The following FRAS1 variants were observed in gnomAD, a reference collection of about 807,000 sequenced individuals.
FRAS1 encodes the protein Fraser extracellular matrix complex subunit 1, also known as extracellular matrix organizing protein FRAS1.
Under a neutral mutation model 435.2 loss-of-function variants are expected in FRAS1, and 290 were observed. That is an observed-to-expected ratio of 0.67 (90% CI 0.61 to 0.73). The LOEUF (loss-of-function observed/expected upper bound fraction) is 0.73. Among genes scored for constraint, FRAS1 ranks in the 30% least tolerant of loss-of-function variants. FRAS1 has a pLI of 0.00. For missense variants in FRAS1, 4,860 were observed against 5,001.5 expected (o/e 0.97, Z 0.85); for synonymous variants, 1,800 against 1,851.0 (o/e 0.97, Z 0.71).
chr4:78,289,338 G>T (rs1264510793), intron 14 of FRAS1, among the ~76,000 whole-genome samples: 1 of 151,774 alleles, frequency 6.6e-6, no homozygotes, highest in African/African-American at 2.4e-5. Context: ...TACATATTTT[G>T]CATGATTAAA....
chr4:78,317,557 T>C, intron 17 of FRAS1, 49 bp downstream of exon 17: 2 of 1,533,684 alleles, frequency 1.3e-6, no homozygotes, highest in Non-Finnish European at 1.8e-6. Flanking sequence ...CACAAGAACA[T>C]AGATTTACTT....
chr4:78,379,233 G>C (rs919958340), intron 26 of FRAS1: 5 of 154,728 alleles, frequency 3.2e-5, no homozygotes, highest in Admixed American at 1.3e-4. Context: ...CAGGAAGTGA[G>C]AGTGGTGTTT....
chr4:78,059,579 C>T (rs2109837912), intron 1 of FRAS1, among the ~76,000 whole-genome samples: 1 of 151,626 alleles, frequency 6.6e-6, no homozygotes, highest in African/African-American at 2.4e-5. Context: ...CCCAGGCCAC[C>T]CAAACCTGAA....
chr4:78,309,153 CTT>C (rs1363308683), intron 15 of FRAS1, among the ~76,000 whole-genome samples: 3 of 152,142 alleles, frequency 2.0e-5, no homozygotes, highest in Non-Finnish European at 4.4e-5. Flanking sequence ...ATGCAGGTGA[CTT>C]TTAGAATCTG....
intron 20 of FRAS1, among the ~76,000 whole-genome samples, chr4:78,356,176 C>T (rs973603997): frequency 9.2e-5 from 14 of 152,104 alleles, no homozygotes; most frequent in Admixed American, 7.2e-4. Flanking sequence ...TTATTATCTC[C>T]AATTGTAACT....
chr4:78,482,009 T>C (rs1306438367), intron 57 of FRAS1, 45 bp downstream of exon 57: 1 of 1,577,422 alleles, frequency 6.3e-7, no homozygotes, highest in East Asian at 2.2e-5. Context: ...ACAGGTCGGT[T>C]TGTGAATGTT....
At chr4:78,219,702 T>A (rs543786528) in intron 2 of FRAS1, among the ~76,000 whole-genome samples, 5 of 152,202 alleles carry the variant, frequency 3.3e-5, no homozygotes, top group Admixed American at 1.3e-4. Flanking sequence ...ACTTAAGATG[T>A]CAGGATAAGT....
chr4:78,488,394 C>T (rs1720239018), intron 58 of FRAS1, among the ~76,000 whole-genome samples: 1 of 152,064 alleles, frequency 6.6e-6, no homozygotes, highest in African/African-American at 2.4e-5. Flanking sequence ...TACTTATGTC[C>T]CCACTCTTTC....
At chr4:78,366,583 C>T (rs1731278451) in intron 22 of FRAS1, among the ~76,000 whole-genome samples, 1 of 152,188 alleles carries the variant, frequency 6.6e-6, no homozygotes, top group Admixed American at 6.5e-5. Flanking sequence ...CAGCAGAAAA[C>T]AAGTCTGTTT....
chr4:78,451,693 A>G, intron 45 of FRAS1, 79 bp from the exon 46 acceptor site: 2 of 1,227,416 alleles, frequency 1.6e-6, no homozygotes, highest in Non-Finnish European at 2.2e-6. Flanking sequence ...GTGAACACCA[A>G]TTGAATTCAC....
intron 2 of FRAS1, among the ~76,000 whole-genome samples, chr4:78,143,205 T>G (rs953282059): frequency 2.0e-5 from 3 of 152,134 alleles, no homozygotes; most frequent in Non-Finnish European, 4.4e-5. Flanking sequence ...AAAGCCAATA[T>G]AGCTATGATA....
At chr4:78,267,019 G>T in intron 8 of FRAS1, 84 bp downstream of exon 8, 1 of 1,015,244 alleles carries the variant, frequency 9.8e-7, no homozygotes. Context: ...TGTGTCCTTT[G>T]GGGGAATCAA....
At chr4:78,307,932 C>A in intron 14 of FRAS1, 134 bp from the exon 15 acceptor site, 1 of 818,692 alleles carries the variant, frequency 1.2e-6, no homozygotes, top group Non-Finnish European at 1.9e-6. Flanking sequence ...CTGAGGTGTA[C>A]ATGTGTCAAT....
At position 78,082,880 on chromosome 4, in the gene FRAS1, T is replaced by C. The variant is rs185454088; in HGVS notation, c.108+16864T>C. On this transcript the variant is annotated intron_variant, in intron 2 of 73. Coordinates refer to ENST00000512123, the MANE Select transcript of FRAS1 (RefSeq NM_025074.7). Reference sequence around the variant, plus strand: ...CAGAAGTATTGGTTGTGAGTTATTATAGTAATTTAGTTTCTCAACACCTAT... The same window carrying C: ...CAGAAGTATTGGTTGTGAGTTATTACAGTAATTTAGTTTCTCAACACCTAT... 2.0e-5 allele frequency among the ~76,000 whole-genome samples: 3 copies of C among 152,254 alleles called. 1 individual carries two copies. The highest frequency in any genetic ancestry group is 4.1e-4 in the South Asian group (2 of 4,824).
intron 18 of FRAS1, among the ~76,000 whole-genome samples, chr4:78,324,924 G>A (rs1560656252): frequency 1.3e-5 from 2 of 151,932 alleles, no homozygotes; most frequent in Admixed American, 6.6e-5. Context: ...CAATTTCCAT[G>A]CAGTTCAGCA....
At chr4:78,391,968 A>T (rs1732462617) in intron 29 of FRAS1, among the ~76,000 whole-genome samples, 1 of 150,610 alleles carries the variant, frequency 6.6e-6, no homozygotes, top group Non-Finnish European at 1.5e-5. Flanking sequence ...AATCCTTGCC[A>T]TATATGAGGG....
At chr4:78,487,174 C>T (rs952000448) in intron 58 of FRAS1, among the ~76,000 whole-genome samples, 5 of 152,176 alleles carry the variant, frequency 3.3e-5, no homozygotes, top group African/African-American at 9.6e-5. Context: ...CACTGGGTTA[C>T]GGAGCCCTAA....
intron 5 of FRAS1, among the ~76,000 whole-genome samples, chr4:78,253,217 A>G (rs1193012206): frequency 1.3e-5 from 2 of 152,126 alleles, no homozygotes; most frequent in Admixed American, 1.3e-4. Flanking sequence ...AAGAAGAAAA[A>G]ATATGGCTCT....
At chr4:78,188,716 A>G (rs1425355408) in intron 2 of FRAS1, among the ~76,000 whole-genome samples, 1 of 152,206 alleles carries the variant, frequency 6.6e-6, no homozygotes, top group Non-Finnish European at 1.5e-5. Flanking sequence ...CCATCACATA[A>G]GGGTTTTTGC....
Sources: gnomAD v4.1 joint callset for allele counts (sites outside exome capture counted in the v4.1 genomes callset) on GRCh38, gnomAD v4.1.1 for gene constraint, MANE v1.5 for transcripts, NCBI Gene and HGNC (gene_info 2026-07-23, HGNC 2026-07-21) for gene names.